SPOCK3: variants seen among roughly 807,000 people sequenced by gnomAD.
SPOCK3 encodes the protein SPARC (osteonectin), cwcv and kazal like domains proteoglycan 3, also known as testican-3.
Under a neutral mutation model 56.6 loss-of-function variants are expected in SPOCK3, and 30 were observed. The ratio of observed to expected loss-of-function variants is 0.53; its 90% CI spans 0.40 to 0.72. The LOEUF (loss-of-function observed/expected upper bound fraction) is 0.72, where lower values mean the gene tolerates loss of function less well. Ranked by LOEUF, SPOCK3 falls within the 30% of genes least tolerant of loss-of-function variation. The pLI, the probability that SPOCK3 is intolerant of heterozygous loss-of-function variation, is 0.00. For missense variants in SPOCK3, 527 were observed against 530.0 expected, an observed-to-expected ratio of 0.99 and a Z score of 0.06; for synonymous variants, 196 against 183.3, an observed-to-expected ratio of 1.07 and a Z score of -0.56.
rs192349880 is a variant in SPOCK3 at position 167,108,485 on chromosome 4, G to A, written c.190-45948C>T. On this transcript the variant is annotated intron_variant, in intron 2 of 10. Transcript: ENST00000357545. ...CATACTATTCAGCCATAAAAAGGAT[G>A]AGATTCTGTCATTTGCAACAACATG... Among the ~76,000 whole-genome samples the A allele has an allele frequency of 3.9e-3, 586 of 152,008 alleles. 3 individuals are homozygous for A. The highest frequency in any genetic ancestry group is 6.8e-3 in the Middle Eastern group (2 of 294).
intron 4 of SPOCK3, among the ~76,000 whole-genome samples, chr4:166,945,076 CT>C (rs1292681167): frequency 6.6e-6 from 1 of 152,054 alleles, no homozygotes; most frequent in Non-Finnish European, 1.5e-5. Context: ...CACTTCTTTG[CT>C]TTCTGGAACA....
At chr4:167,096,667 T>C (rs527704409) in intron 2 of SPOCK3, among the ~76,000 whole-genome samples, 85 of 152,022 alleles carry the variant, frequency 5.6e-4, no homozygotes, top group African/African-American at 1.9e-3. Context: ...TTGTGTTTTT[T>C]AGTCCAGAGT....
At chr4:167,170,963 C>A (rs949566251) in intron 2 of SPOCK3, among the ~76,000 whole-genome samples, 1 of 151,816 alleles carries the variant, frequency 6.6e-6, no homozygotes, top group Non-Finnish European at 1.5e-5. Context: ...AAAAGAAAAG[C>A]AAATGGGGTG....
intron 6 of SPOCK3, among the ~76,000 whole-genome samples, chr4:166,850,740 G>A (rs1010915271): frequency 7.2e-5 from 11 of 152,200 alleles, no homozygotes; most frequent in Non-Finnish European, 1.3e-4. Flanking sequence ...ACTCCCGCCC[G>A]AATACTGCGC....
chr4:167,209,997 G>A (rs189815443), intron 2 of SPOCK3, among the ~76,000 whole-genome samples: 1 of 152,110 alleles, frequency 6.6e-6, no homozygotes, highest in Non-Finnish European at 1.5e-5. Context: ...CTCTGACTTT[G>A]TGGATATCCA....
At chr4:167,213,993 T>A (rs1015192891) in intron 2 of SPOCK3, among the ~76,000 whole-genome samples, 13 of 152,258 alleles carry the variant, frequency 8.5e-5, no homozygotes, top group African/African-American at 2.9e-4. Flanking sequence ...AATCCTGTAC[T>A]ATAAAATGCT....
At chr4:166,980,332 A>G (rs956167535) in intron 4 of SPOCK3, among the ~76,000 whole-genome samples, 1 of 152,268 alleles carries the variant, frequency 6.6e-6, no homozygotes, top group Non-Finnish European at 1.5e-5. Flanking sequence ...AGATACAATA[A>G]TATCTTCTTT....
intron 2 of SPOCK3, among the ~76,000 whole-genome samples, chr4:167,183,876 T>C (rs972106738): frequency 1.3e-5 from 2 of 152,144 alleles, no homozygotes; most frequent in Non-Finnish European, 2.9e-5. Context: ...TAAAGGAAGA[T>C]GTAGAAGAAA....
intron 2 of SPOCK3, among the ~76,000 whole-genome samples, chr4:167,170,037 A>G (rs1314149392): frequency 6.6e-6 from 1 of 152,116 alleles, no homozygotes; most frequent in East Asian, 1.9e-4. Flanking sequence ...TCTTTCTTTT[A>G]TACATTACAC....
At chr4:166,989,374 A>C (rs1260506393) in intron 4 of SPOCK3, among the ~76,000 whole-genome samples, 1 of 152,094 alleles carries the variant, frequency 6.6e-6, no homozygotes, top group East Asian at 1.9e-4. Context: ...CTAAGGCTTA[A>C]ATTAATATAA....
At chr4:166,957,358 A>C (rs924862984) in intron 4 of SPOCK3, among the ~76,000 whole-genome samples, 1 of 152,230 alleles carries the variant, frequency 6.6e-6, no homozygotes, top group African/African-American at 2.4e-5. Context: ...GAACTCATGC[A>C]TTATTTTCCT....
At chr4:167,018,067 A>G (rs541045954) in intron 3 of SPOCK3, among the ~76,000 whole-genome samples, 20 of 152,216 alleles carry the variant, frequency 1.3e-4, no homozygotes, top group African/African-American at 4.8e-4. Flanking sequence ...TAAAAATATT[A>G]TATTTTTTCA....
chr4:166,834,399 G>C (rs949339827), intron 6 of SPOCK3, among the ~76,000 whole-genome samples: 1 of 152,108 alleles, frequency 6.6e-6, no homozygotes, highest in Non-Finnish European at 1.5e-5. Flanking sequence ...GCTTCTCTTT[G>C]AAATTCAGTT....
chr4:166,847,533 T>C (rs1250423912), intron 6 of SPOCK3, among the ~76,000 whole-genome samples: 2 of 151,158 alleles, frequency 1.3e-5, no homozygotes, highest in Non-Finnish European at 3.0e-5. Context: ...TGAGCAGCAC[T>C]GGAGATTATG....
intron 6 of SPOCK3, among the ~76,000 whole-genome samples, chr4:166,874,136 G>T (rs912307471): frequency 5.9e-5 from 9 of 152,038 alleles, no homozygotes; most frequent in African/African-American, 1.9e-4. Context: ...CTGGGGTAGA[G>T]GTTGTACAAG....
chr4:167,170,456 G>T (rs1039418949), intron 2 of SPOCK3, among the ~76,000 whole-genome samples: 1 of 152,154 alleles, frequency 6.6e-6, no homozygotes, highest in African/African-American at 2.4e-5. Context: ...AGATAATGAT[G>T]AGAGCTAACA....
chr4:166,789,419 A>C (rs1213179171), intron 7 of SPOCK3, among the ~76,000 whole-genome samples: 2 of 152,220 alleles, frequency 1.3e-5, no homozygotes, highest in African/African-American at 4.8e-5. Context: ...ACAAGAGCGA[A>C]ACGCTGTCTC....
chr4:167,093,025 T>G (rs1029610181), intron 2 of SPOCK3, among the ~76,000 whole-genome samples: 2 of 152,182 alleles, frequency 1.3e-5, no homozygotes, highest in African/African-American at 2.4e-5. Context: ...TCTGAATAAT[T>G]TTGAATGATT....
At chr4:166,982,652 T>G (rs904484240) in intron 4 of SPOCK3, among the ~76,000 whole-genome samples, 2 of 152,222 alleles carry the variant, frequency 1.3e-5, no homozygotes, top group Non-Finnish European at 2.9e-5. Flanking sequence ...AATTATGAAT[T>G]TTACTAAATA....
Sources: allele counts gnomAD v4.1 joint callset (sites outside exome capture counted in the v4.1 genomes callset), GRCh38; gene constraint gnomAD v4.1.1; transcripts MANE v1.5; gene names NCBI Gene and HGNC (gene_info 2026-07-23, HGNC 2026-07-21).